The following FAM185A variants were observed in gnomAD, a reference collection of about 807,000 sequenced individuals.
The protein encoded by FAM185A is family with sequence similarity 185 member A, also known as protein FAM185A.
Under a neutral mutation model 45.7 loss-of-function variants are expected in FAM185A, and 21 were observed. That is an observed-to-expected ratio of 0.46 (90% CI 0.33 to 0.66). FAM185A has a LOEUF of 0.66. Ranked by LOEUF, FAM185A falls within the 30% of genes least tolerant of loss-of-function variation. The pLI is 0.03. For missense variants in FAM185A, 305 were observed against 485.4 expected, an observed-to-expected ratio of 0.63 and a Z score of 3.49; for synonymous variants, 117 against 194.0, an observed-to-expected ratio of 0.60 and a Z score of 3.30.
chr7:102,826,766 T>G, the FAM185A span, among the ~76,000 whole-genome samples: 1 of 115,068 alleles, frequency 8.7e-6, no homozygotes, highest in Non-Finnish European at 1.7e-5. Context: ...TATATATATA[T>G]ATATATGTAT....
chr7:102,764,234 A>C (rs1056085710), intron 4 of FAM185A, among the ~76,000 whole-genome samples: 3 of 149,670 alleles, frequency 2.0e-5, no homozygotes, highest in Admixed American at 2.0e-4. Flanking sequence ...TACAAGAGAG[A>C]ACTAAGACAG....
chr7:102,760,208 A>G (rs1411189789), intron 3 of FAM185A, among the ~76,000 whole-genome samples: 2 of 152,052 alleles, frequency 1.3e-5, no homozygotes, highest in Non-Finnish European at 2.9e-5. Context: ...TGTAAGAACT[A>G]TATATATGTA....
the FAM185A span, among the ~76,000 whole-genome samples, chr7:102,836,521 C>T: frequency 6.6e-6 from 1 of 152,156 alleles, no homozygotes; most frequent in South Asian, 2.1e-4. Context: ...ATTTTCTTTC[C>T]TTGGAAAATG....
chr7:102,796,437 G>A (rs1332203855), intron 7 of FAM185A, among the ~76,000 whole-genome samples: 2 of 152,232 alleles, frequency 1.3e-5, no homozygotes, highest in East Asian at 3.8e-4. Flanking sequence ...TGAAAAGGGA[G>A]TCTAGTCCCC....
chr7:102,780,913 A>C (rs1272392834), intron 6 of FAM185A, among the ~76,000 whole-genome samples: 1 of 152,188 alleles, frequency 6.6e-6, no homozygotes, highest in Non-Finnish European at 1.5e-5. Flanking sequence ...TTTCCTAGTC[A>C]AAGAAAGGGG....
intron 3 of FAM185A, among the ~76,000 whole-genome samples, chr7:102,759,935 C>T (rs930065976): frequency 1.3e-5 from 2 of 152,072 alleles, no homozygotes; most frequent in African/African-American, 4.8e-5. Flanking sequence ...TTTCATTATT[C>T]AGCAAACAGG....
At chr7:102,757,522 GATT>G (rs1275170696) in intron 2 of FAM185A, among the ~76,000 whole-genome samples, 1 of 152,176 alleles carries the variant, frequency 6.6e-6, no homozygotes, top group Admixed American at 6.5e-5. Context: ...AATAGTAACT[GATT>G]ATTATTGTCA....
At chr7:102,831,883 G>A in the FAM185A span, among the ~76,000 whole-genome samples, 1 of 152,082 alleles carries the variant, frequency 6.6e-6, no homozygotes, top group Non-Finnish European at 1.5e-5. Flanking sequence ...AAAATTATAT[G>A]TGTATATTCA....
chr7:102,758,896 C>G (rs1435224765), intron 3 of FAM185A, among the ~76,000 whole-genome samples: 1 of 151,880 alleles, frequency 6.6e-6, no homozygotes, highest in East Asian at 1.9e-4. Flanking sequence ...GTTGTGAGCA[C>G]ATTTTATATG....
chr7:102,829,672 G>T, the FAM185A span, among the ~76,000 whole-genome samples: 1 of 152,078 alleles, frequency 6.6e-6, no homozygotes, highest in African/African-American at 2.4e-5. Flanking sequence ...TTTTAGTGTC[G>T]AGTAGGATGA....
chr7:102,762,115 G>C lies in FAM185A; in HGVS notation c.793+704G>C, dbSNP rs186079019. Among the ~76,000 whole-genome samples the C allele has an allele frequency of 1.9e-3, 294 of 152,278 alleles. 4 individuals are homozygous for C. Among genetic ancestry groups the C allele is most frequent in the African/African-American group, 6.7e-3 (277 of 41,564 alleles). Reference sequence around the variant, plus strand: ...AAATTAATGAAACATTTGGTGGAAGGTAATTATAGCAACTCTGATACTAAC... The same window carrying C: ...AAATTAATGAAACATTTGGTGGAAGCTAATTATAGCAACTCTGATACTAAC... On this transcript the variant is annotated intron_variant, in intron 4 of 7. Transcript: ENST00000413034.
chr7:102,750,343 TTGA>T (rs948333272), intron 1 of FAM185A, among the ~76,000 whole-genome samples: 2 of 152,134 alleles, frequency 1.3e-5, no homozygotes, highest in Non-Finnish European at 2.9e-5. Context: ...ATGGAAGATA[TTGA>T]TGATGATGAT....
the FAM185A span, among the ~76,000 whole-genome samples, chr7:102,815,544 A>G: frequency 6.6e-6 from 1 of 152,162 alleles, no homozygotes; most frequent in Admixed American, 6.5e-5. Context: ...AGTTCTGGAC[A>G]CACACTGCAG....
the FAM185A span, among the ~76,000 whole-genome samples, chr7:102,849,133 G>A: frequency 1.6e-4 from 25 of 152,216 alleles, no homozygotes; most frequent in African/African-American, 5.1e-4. Context: ...ATACTTTGCC[G>A]TCTGTTATTT....
chr7:102,776,751 G>C, intron 5 of FAM185A, among the ~76,000 whole-genome samples: 1 of 149,840 alleles, frequency 6.7e-6, no homozygotes, highest in Non-Finnish European at 1.5e-5. Flanking sequence ...TTTATGTAGA[G>C]TAATCTTTTA....
chr7:102,755,247 A>C, intron 2 of FAM185A: 1 of 492,508 alleles, frequency 2.0e-6, no homozygotes, highest in Non-Finnish European at 3.6e-6. Flanking sequence ...TGTTTGAGAA[A>C]AGGCCTAAGA....
chr7:102,775,661 T>TG lies in FAM185A; in HGVS notation c.836-1592_836-1591insG, dbSNP rs1297217677. Among the ~76,000 whole-genome samples, 9 of 152,098 alleles carry TG rather than the reference T, an allele frequency of 5.9e-5. No individual in the cohort carries two copies. In the South Asian group the frequency reaches 1.2e-3, roughly 21 times the overall value. On this transcript the variant is annotated intron_variant, in intron 5 of 7. Transcript: ENST00000413034. ...ATGAGCCACATAAAAATTGTGTGTG[T>TG]TTTTTTTCCCTCCTTGAGAAAGCGA... is the stretch of plus-strand genomic sequence containing the variant.
At chr7:102,771,557 C>T (rs1794743578) in intron 4 of FAM185A, among the ~76,000 whole-genome samples, 1 of 151,764 alleles carries the variant, frequency 6.6e-6, no homozygotes, top group Admixed American at 6.6e-5. Flanking sequence ...GATACTGATA[C>T]AAGTCAGTAT....
At chr7:102,813,336 T>C, downstream of FAM185A, 1 of 1,597,324 alleles carries the variant, frequency 6.3e-7, no homozygotes, top group Non-Finnish European at 8.5e-7. Context: ...TGCTTGAGGC[T>C]GAAGGTCACG....
Sources: allele counts gnomAD v4.1 joint callset (sites outside exome capture counted in the v4.1 genomes callset), GRCh38; gene constraint gnomAD v4.1.1; transcripts MANE v1.5; gene names NCBI Gene and HGNC (gene_info 2026-07-23, HGNC 2026-07-21).